TNXB: variants seen among roughly 807,000 people sequenced by gnomAD.
TNXB encodes the protein tenascin-X.
Under a neutral mutation model 340.5 loss-of-function variants are expected in TNXB, and 183 were observed. The observed-to-expected ratio is 0.54, with a 90% CI of 0.48 to 0.61. The LOEUF is 0.61. Among genes scored for constraint, TNXB ranks in the 20% least tolerant of loss-of-function variants. The probability of loss-of-function intolerance (pLI) is 0.00; values close to 1 mark genes in which losing one functional copy is unlikely to be tolerated. For missense variants in TNXB, 4,613 were observed against 5,446.4 expected, an observed-to-expected ratio of 0.85 and a Z score of 4.82; for synonymous variants, 2,121 against 2,314.5, an observed-to-expected ratio of 0.92 and a Z score of 2.40.
In TNXB at chr6:32,070,208, C is replaced by T. The variant is rs751110919; in HGVS notation, c.5197G>A (p.Ala1733Thr). ...AGGAGGAATCTGTACTTGCGGCCGG[C>T]ATCCAGAGGGGTGACAGTGACAGAG... ...ERSVTVTPLD[A>T]GRKYRFLLYG... Residue 1733 changes from alanine to threonine, a missense_variant, in exon 14 of 44, where the codon GCC becomes ACC. By Grantham distance (58) the Ala-to-Thr change is moderately conservative. Coordinates refer to ENST00000644971, the MANE Select transcript of TNXB (RefSeq NM_001365276.2). The surrounding 1 kb of genome is among the most constrained non-coding windows in gnomAD (Gnocchi z 6.0). 7 of 1,611,924 alleles carry T rather than the reference C, an allele frequency of 4.3e-6. No individual in the cohort carries two copies. The highest frequency in any genetic ancestry group is 3.3e-5 in the Admixed American group (2 of 59,968).
Position 32,068,939 on chromosome 6 carries a change from C to T in TNXB, c.5785G>A (p.Gly1929Ser). The change falls in exon 16 of 44, where the codon GGT (glycine) becomes AGT (serine). Residue 1929 changes from glycine (G) to serine (S), a missense_variant. Gly to Ser is a moderately conservative substitution (Grantham distance 56). Around this residue, in one of 7 missense-constraint regions of TNXB, gnomAD observed 4,327 missense variants for 4,859.4 expected, o/e 0.89. Transcript: ENST00000644971. The surrounding 1 kb of genome is among the most constrained non-coding windows in gnomAD (Gnocchi z 5.3). ...DGQLQMVRIGGDRNDITLSGL... is the reference protein window; with the variant it reads ...DGQLQMVRIGSDRNDITLSGL... ...GAGAGGGTGATGTCATTCCGGTCAC[C>T]TCCTATGCGGACCATTTGGAGTTGC... The T allele has an allele frequency of 6.2e-7, 1 of 1,612,920 alleles. No homozygotes were observed. The highest frequency in any genetic ancestry group is 8.5e-7 in the Non-Finnish European group (1 of 1,179,886).
rs1780489502 is a variant in TNXB at position 32,097,679 on chromosome 6, C to T, written c.403+117G>A. 5 of 1,267,034 alleles carry T rather than the reference C, an allele frequency of 3.9e-6. No individual in the cohort carries two copies. The highest frequency in any genetic ancestry group is 5.3e-6 in the Non-Finnish European group (5 of 944,214). 78.5% of individuals were successfully genotyped at this position (1,267,034 alleles called of 1,614,324 possible). ...TCCAAGTTGTGTTCTGGGCTGCATC[C>T]ACACCCCTCATGGTGAGGAAGGAGT... is the stretch of plus-strand genomic sequence containing the variant. On this transcript the variant is annotated intron_variant, in intron 2 of 43. Transcript: ENST00000644971. The surrounding 1 kb of genome is among the most constrained non-coding windows in gnomAD (Gnocchi z 5.9).
At position 32,069,918 on chromosome 6, in the gene TNXB, C is replaced by T. The variant is rs1204090214; in HGVS notation, c.5279-57G>A. 21 of 1,505,818 alleles carry T rather than the reference C, an allele frequency of 1.4e-5. No homozygotes were observed. Among genetic ancestry groups the T allele is most frequent in the Middle Eastern group, 1.8e-4 (1 of 5,622 alleles). The allele number at this position is 1,505,818 out of a possible 1,614,324, so 93.3% of individuals were successfully genotyped here. A position where few individuals can be genotyped will look rare whatever the true frequency, so the allele number is the denominator to read the frequency against. On this transcript the variant is annotated intron_variant, in intron 14 of 43. Transcript: ENST00000644971. The surrounding 1 kb of genome is among the most constrained non-coding windows in gnomAD (Gnocchi z 6.2). ...AGCTGTTTCTGGAAGACTGGGTGAC[C>T]TCGACGGGCAGGATTGAGAGGTCTG...
intron 11 of TNXB, among the ~76,000 whole-genome samples, chr6:32,078,785 C>T (rs1779258819): frequency 6.6e-6 from 1 of 152,212 alleles, no homozygotes; most frequent in African/African-American, 2.4e-5. Context: ...CTCACTTAAC[C>T]CTCACAATAA....
At position 32,082,289 on chromosome 6, in the gene TNXB, G is replaced by A; in HGVS notation, c.3483C>T (p.His1161=). Reference sequence around the variant, plus strand: ...GGTCTGTCACCCACAGGTTTCCCAGGTGGGGTGGAGTCCCTGGACTTGGGT... The same window carrying A: ...GGTCTGTCACCCACAGGTTTCCCAGATGGGGTGGAGTCCCTGGACTTGGGT... The part of the protein sequence containing the change: ...QSDPSPGTPP[H]LGNLWVTDPT... The change falls in exon 9 of 44, where the codon CAC becomes CAT. Residue 1161 remains histidine (H), a synonymous_variant. Coordinates refer to ENST00000644971, the MANE Select transcript of TNXB (RefSeq NM_001365276.2). The surrounding 1 kb of genome is among the most constrained non-coding windows in gnomAD (Gnocchi z 5.0). The A allele has an allele frequency of 6.2e-7, 1 of 1,603,332 alleles. No individual in the cohort carries two copies.
chr6:32,102,441 T>C (rs546687227), intron 1 of TNXB, among the ~76,000 whole-genome samples: 4 of 152,292 alleles, frequency 2.6e-5, no homozygotes, highest in South Asian at 2.1e-4. Flanking sequence ...TGGAATACTA[T>C]ACAGCAATAA....
In TNXB at chr6:32,056,589, T is replaced by C. The variant is rs764342871; in HGVS notation, c.8140A>G (p.Thr2714Ala). The C allele has an allele frequency of 8.7e-6, 14 of 1,612,846 alleles. No homozygotes were observed. In the South Asian group the frequency reaches 1.5e-4, roughly 18 times the overall value. ...RVGPISVIGV[T>A]AAEEETPSPT... ...GGGGCTGCCATCATCCACTCACCCGTCACCCCAATGACAGAGATGGGGCCC... is the reference window on the plus strand; with the variant it reads ...GGGGCTGCCATCATCCACTCACCCGCCACCCCAATGACAGAGATGGGGCCC... Residue 2714 changes from threonine to alanine, a missense_variant, in exon 23 of 44, where the codon ACG becomes GCG. By Grantham distance (58) the Thr-to-Ala change is moderately conservative. This residue lies in a region of TNXB where 4,327 missense variants were observed against 4,859.4 expected (regional missense o/e 0.89). Transcript: ENST00000644971.
intron 4 of TNXB, among the ~76,000 whole-genome samples, chr6:32,092,772 C>A (rs757116163): frequency 6.6e-6 from 1 of 152,058 alleles, no homozygotes; most frequent in African/African-American, 2.4e-5. Flanking sequence ...CAGGGACCAG[C>A]TACAGACAGC....
chr6:32,079,059 C>A lies in TNXB; in HGVS notation c.4349G>T (p.Gly1450Val). The A allele has an allele frequency of 1.9e-6, 3 of 1,612,938 alleles. No individual in the cohort carries two copies. Among genetic ancestry groups the A allele is most frequent in the Non-Finnish European group, 2.5e-6 (3 of 1,179,630 alleles). ...LYGLHEGQRV[G>V]PVSAVGVTAP... ...TGTCACGCCCACGGCGGACACCGGGCCCACGCGCTGCCCCTCGTGGAGGCC... is the reference window on the plus strand; with the variant it reads ...TGTCACGCCCACGGCGGACACCGGGACCACGCGCTGCCCCTCGTGGAGGCC... The change falls in exon 11 of 44, where the codon GGC (glycine) becomes GTC (valine). Residue 1450 changes from glycine (G) to valine (V), a missense_variant. By Grantham distance (109) the Gly-to-Val change is moderately radical. Coordinates refer to ENST00000644971, the MANE Select transcript of TNXB (RefSeq NM_001365276.2). The surrounding 1 kb of genome is among the most constrained non-coding windows in gnomAD (Gnocchi z 7.1).
chr6:32,089,541 T>G lies in TNXB; in HGVS notation c.2359-162A>C, dbSNP rs1384742069. Among the ~76,000 whole-genome samples the G allele has an allele frequency of 6.6e-6, 1 of 152,172 alleles. No homozygotes were observed. Among genetic ancestry groups the G allele is most frequent in the Non-Finnish European group, 1.5e-5 (1 of 68,038 alleles). ...GAGCAAACATGCTGAGAGCGCTAAC[T>G]CCTTGTGAGCCACTGTTCTAGGCGA... On this transcript the variant is annotated intron_variant, in intron 4 of 43. Coordinates refer to ENST00000644971, the MANE Select transcript of TNXB (RefSeq NM_001365276.2). The surrounding 1 kb of genome is among the most constrained non-coding windows in gnomAD (Gnocchi z 6.2).
At position 32,052,782 on chromosome 6, in the gene TNXB, C is replaced by T; in HGVS notation, c.9003G>A (p.Glu3001=). 6.2e-7 allele frequency: 1 copy of T among 1,613,836 alleles called. No individual in the cohort carries two copies. Among genetic ancestry groups the T allele is most frequent in the Non-Finnish European group, 8.5e-7 (1 of 1,179,890 alleles). The change falls in exon 26 of 44, where the codon GAG becomes GAA. Residue 3001 remains glutamate, a synonymous_variant. Transcript: ENST00000644971. This position sits in a 1 kb window ranked among gnomAD's most constrained non-coding sequence, Gnocchi z 4.7. ...GRPQVVRVRG[E]ESEVTVGGLE... ...GGCCCCCCACGGTGACCTCGCTCTC[C>T]TCGCCCCTGACACGCACCACCTGGG...
chr6:32,047,982 C>G lies in TNXB; in HGVS notation c.10076G>C (p.Gly3359Ala). Residue 3359 changes from glycine (G) to alanine (A), a missense_variant, in exon 30 of 44, where the codon GGG becomes GCG. Transcript: ENST00000644971. The surrounding 1 kb of genome is among the most constrained non-coding windows in gnomAD (Gnocchi z 6.2). The part of the protein sequence containing the change: ...APDTKPSPRL[G>A]ELTVTDATPD... The stretch of plus-strand genomic sequence containing the variant: ...GGTCGCATCTGTCACAGTCAGCTCC[C>G]CCAGGCGGGGAGACGGTTTGGTGTC... The G allele has an allele frequency of 1.2e-6, 2 of 1,609,784 alleles. No individual in the cohort carries two copies. Among genetic ancestry groups the G allele is most frequent in the Non-Finnish European group, 1.7e-6 (2 of 1,178,416 alleles).
chr6:32,088,540 C>G (rs1205666772), intron 6 of TNXB, among the ~76,000 whole-genome samples: 1 of 147,570 alleles, frequency 6.8e-6, no homozygotes, highest in Non-Finnish European at 1.5e-5. Context: ...ATTCACTTCT[C>G]TCCCTGGGGC....
intron 3 of TNXB, 109 bp from the exon 4 acceptor site, chr6:32,095,300 C>T: frequency 1.2e-6 from 1 of 853,774 alleles, no homozygotes; most frequent in Non-Finnish European, 1.9e-6. Context: ...ACTCCCACTC[C>T]TCTCTGCTAG....
At chr6:32,048,221 G>C (rs1038793949) in intron 29 of TNXB, 142 bp downstream of exon 29, 27 of 1,051,952 alleles carry the variant, frequency 2.6e-5, no homozygotes, top group African/African-American at 3.2e-5. Flanking sequence ...TGGGAGAGGA[G>C]AGCTCAGGGC....
chr6:32,054,095 T>C (rs941296881), intron 24 of TNXB, among the ~76,000 whole-genome samples: 4 of 152,234 alleles, frequency 2.6e-5, no homozygotes, highest in South Asian at 4.2e-4. Flanking sequence ...AGGCCAGAGC[T>C]TGGGGTGTGT....
chr6:32,098,485 T>TG (rs1780545768), intron 1 of TNXB, among the ~76,000 whole-genome samples: 1 of 151,698 alleles, frequency 6.6e-6, no homozygotes, highest in Non-Finnish European at 1.5e-5. Flanking sequence ...TGTTTTGTTT[T>TG]GTTTGTTTGT....
Position 32,090,304 on chromosome 6 carries a change from C to T in TNXB, c.2359-925G>A, listed in dbSNP as rs1780018850. Among the ~76,000 whole-genome samples, 1 of 152,192 alleles carries T rather than the reference C, an allele frequency of 6.6e-6. No individual in the cohort carries two copies. On this transcript the variant is annotated intron_variant, in intron 4 of 43. Coordinates refer to ENST00000644971, the MANE Select transcript of TNXB (RefSeq NM_001365276.2). This position sits in a 1 kb window ranked among gnomAD's most constrained non-coding sequence, Gnocchi z 4.3. ...AGCAAATGCTTGTGAGAAAACAACA[C>T]TCCTACAAGTGTACATTTAAGGAAT...
At position 32,098,083 on chromosome 6, in the gene TNXB, G is replaced by A. The variant is rs2127294445; in HGVS notation, c.116C>T (p.Pro39Leu). The A allele has an allele frequency of 6.2e-7, 1 of 1,605,462 alleles. No individual in the cohort carries two copies. The highest frequency in any genetic ancestry group is 2.2e-5 in the East Asian group (1 of 44,816). Residue 39 changes from proline (P) to leucine (L), a missense_variant, in exon 2 of 44, where the codon CCC (proline) becomes CTC (leucine). By Grantham distance (98) the Pro-to-Leu change is moderately conservative (BLOSUM62 -3). Around this residue, in one of 7 missense-constraint regions of TNXB, gnomAD observed 4,327 missense variants for 4,859.4 expected, o/e 0.89. Coordinates refer to ENST00000644971, the MANE Select transcript of TNXB (RefSeq NM_001365276.2). ...RSNVTLPAPR[P>L]PPQPGGHTVG... ...TGTGTGGCCCCCTGGCTGGGGAGGG[G>A]GCCGGGGGGCTGGCAGTGTCACATT...
Sources: gnomAD v4.1 joint callset for allele counts (sites outside exome capture counted in the v4.1 genomes callset) on GRCh38, gnomAD v4.1.1 for gene constraint, gnomAD v4.1.1 regional missense constraint, Gnocchi (gnomAD v3.1) non-coding constraint, MANE v1.5 for transcripts, NCBI Gene and HGNC (gene_info 2026-07-23, HGNC 2026-07-21) for gene names.